NRXN1: variants seen among roughly 807,000 people sequenced by gnomAD.
NRXN1 encodes the protein neurexin-1.
In NRXN1, 39 loss-of-function variants were observed where a neutral mutation model predicts 150.9. That is an observed-to-expected ratio of 0.26 (90% CI 0.20 to 0.34). The LOEUF (loss-of-function observed/expected upper bound fraction) is 0.34, where lower values mean the gene tolerates loss of function less well. Among genes scored for constraint, NRXN1 ranks in the 10% least tolerant of loss-of-function variants. The pLI is 1.00. For missense variants in NRXN1, 1,815 were observed against 1,949.9 expected, an observed-to-expected ratio of 0.93 and a Z score of 1.30; for synonymous variants, 924 against 757.0, an observed-to-expected ratio of 1.22 and a Z score of -3.62.
chr2:50,285,269 T>G (rs1407505638), intron 17 of NRXN1, among the ~76,000 whole-genome samples: 1 of 152,206 alleles, frequency 6.6e-6, no homozygotes, highest in Non-Finnish European at 1.5e-5. Flanking sequence ...TACAATAATT[T>G]GTATTTATTT....
chr2:50,595,598 C>G (rs1195171840), intron 8 of NRXN1, among the ~76,000 whole-genome samples: 1 of 152,056 alleles, frequency 6.6e-6, no homozygotes, highest in Non-Finnish European at 1.5e-5. Context: ...TCCTCCCGGA[C>G]AGATAGACCT....
At chr2:49,922,301 G>T in intron 22 of NRXN1, 50 bp from the exon 23 acceptor site, 1 of 1,490,866 alleles carries the variant, frequency 6.7e-7, no homozygotes, top group Non-Finnish European at 9.2e-7. Flanking sequence ...TGAGTTCACT[G>T]AATACCAGAG....
intron 6 of NRXN1, among the ~76,000 whole-genome samples, chr2:50,623,084 T>C (rs1194335389): frequency 6.6e-6 from 1 of 152,050 alleles, no homozygotes; most frequent in Non-Finnish European, 1.5e-5. Context: ...CTTGCAGCCC[T>C]TTTGGAAATT....
intron 17 of NRXN1, among the ~76,000 whole-genome samples, chr2:50,254,799 C>G (rs2067531399): frequency 6.6e-6 from 1 of 151,978 alleles, no homozygotes; most frequent in Non-Finnish European, 1.5e-5. Context: ...ATTTATCTAT[C>G]CACATTTATT....
rs947326627 is a variant in NRXN1 at position 50,232,106 on chromosome 2, C to G, written c.3546+4683G>C. Among the ~76,000 whole-genome samples, 3 of 151,960 alleles carry G rather than the reference C, an allele frequency of 2.0e-5. No homozygotes were observed. In the East Asian group the frequency reaches 5.8e-4, roughly 29 times the overall value. Reference sequence around the variant, plus strand: ...GAAGAGAGATGAAGAAATATCAAGACAGAAAAATACCAAGAAATACCAGTC... The same window carrying G: ...GAAGAGAGATGAAGAAATATCAAGAGAGAAAAATACCAAGAAATACCAGTC... On this transcript the variant is annotated intron_variant, in intron 18 of 22. Transcript: ENST00000401669.
chr2:50,941,859 T>C (rs1028075026), intron 2 of NRXN1, among the ~76,000 whole-genome samples: 2 of 152,132 alleles, frequency 1.3e-5, no homozygotes, highest in Non-Finnish European at 2.9e-5. Context: ...CTGCAGAAAT[T>C]TGCATAACTA....
intron 18 of NRXN1, among the ~76,000 whole-genome samples, chr2:50,165,716 G>A (rs2059640349): frequency 6.6e-6 from 1 of 152,136 alleles, no homozygotes; most frequent in Non-Finnish European, 1.5e-5. Flanking sequence ...TGAGAACAAT[G>A]TGCTCTACCT....
intron 17 of NRXN1, among the ~76,000 whole-genome samples, chr2:50,458,964 C>G (rs2087878865): frequency 6.6e-6 from 1 of 151,986 alleles, no homozygotes; most frequent in Non-Finnish European, 1.5e-5. Flanking sequence ...AAAGGTAAAG[C>G]TTATAAAATT....
intron 21 of NRXN1, among the ~76,000 whole-genome samples, chr2:50,000,314 T>C (rs1683694607): frequency 1.3e-5 from 2 of 152,310 alleles, no homozygotes; most frequent in Admixed American, 1.3e-4. Flanking sequence ...CCAATTTCCA[T>C]TAAACATTTG....
rs557352318 is a variant in NRXN1, at chr2:50,135,219, A to C, written c.3547-43725T>G. ...CATATTTATTGAGGCACTCTACTAG[A>C]TGCTGGGCAAAGTGATAACCAGAAA... On this transcript the variant is annotated intron_variant, in intron 18 of 22. Transcript: ENST00000401669. 9.2e-5 allele frequency among the ~76,000 whole-genome samples: 14 copies of C among 152,340 alleles called. No individual in the cohort carries two copies. The South Asian group carries it at 2.9e-3, about 32-fold the overall frequency.
chr2:50,784,931 T>C (rs1405285078), intron 5 of NRXN1, among the ~76,000 whole-genome samples: 1 of 152,104 alleles, frequency 6.6e-6, no homozygotes, highest in Non-Finnish European at 1.5e-5. Context: ...GAATAAACTG[T>C]ATCCTCCCCA....
At chr2:50,799,639 G>C (rs1707316671) in intron 5 of NRXN1, among the ~76,000 whole-genome samples, 1 of 152,116 alleles carries the variant, frequency 6.6e-6, no homozygotes, top group Non-Finnish European at 1.5e-5. Context: ...AATTACATGA[G>C]ACAGTCAACA....
At chr2:50,756,180 C>T (rs1249585507) in intron 5 of NRXN1, among the ~76,000 whole-genome samples, 1 of 151,704 alleles carries the variant, frequency 6.6e-6, no homozygotes, top group Non-Finnish European at 1.5e-5. Flanking sequence ...TATTGTCTAT[C>T]TCCTTAGCAA....
In NRXN1 at chr2:50,304,300, C is replaced by T. The variant is rs570042807; in HGVS notation, c.3365-67330G>A. Among the ~76,000 whole-genome samples, 11 of 152,140 alleles carry T rather than the reference C, an allele frequency of 7.2e-5. No homozygotes were observed. In the South Asian group the frequency reaches 2.3e-3, roughly 32 times the overall value. ...AATACAATAGGAATTGAGGACAATG[C>T]GGTCTTATTAAATAAACTATTAATA... On this transcript the variant is annotated intron_variant, in intron 17 of 22. Transcript: ENST00000401669.
Position 50,426,160 on chromosome 2 carries a change from A to C in NRXN1, c.3364+39282T>G, listed in dbSNP as rs191689179. Among the ~76,000 whole-genome samples, 16 of 152,322 alleles carry C rather than the reference A, an allele frequency of 1.1e-4. 1 individual carries two copies. Among genetic ancestry groups the C allele is most frequent in the African/African-American group, 3.8e-4 (16 of 41,576 alleles). ...TGATCTTCTAAACTATCATGTGGAA[A>C]CTTGAAATTTCACTTTTCTTAGTAG... On this transcript the variant is annotated intron_variant, in intron 17 of 22. Transcript: ENST00000401669.
At chr2:50,881,719 T>G (rs1679462170) in intron 5 of NRXN1, among the ~76,000 whole-genome samples, 1 of 151,832 alleles carries the variant, frequency 6.6e-6, no homozygotes, top group Admixed American at 6.6e-5. Flanking sequence ...ATCAATAGAT[T>G]TAAATGTTAA....
chr2:50,732,343 G>A (rs1248541121), intron 5 of NRXN1, among the ~76,000 whole-genome samples: 1 of 152,070 alleles, frequency 6.6e-6, no homozygotes, highest in Non-Finnish European at 1.5e-5. Context: ...GCCAACAATT[G>A]AGAATCATAA....
chr2:50,599,130 G>A (rs1048433576), intron 8 of NRXN1, among the ~76,000 whole-genome samples: 2 of 152,048 alleles, frequency 1.3e-5, no homozygotes, highest in Admixed American at 6.6e-5. Context: ...CACAAAAACC[G>A]TATCTGTAGA....
chr2:50,566,996 T>A (rs986164036), intron 8 of NRXN1, among the ~76,000 whole-genome samples: 1 of 152,118 alleles, frequency 6.6e-6, no homozygotes, highest in African/African-American at 2.4e-5. Flanking sequence ...TGGTAAAAAA[T>A]AATATTAATA....
Sources: allele counts gnomAD v4.1 joint callset (sites outside exome capture counted in the v4.1 genomes callset), GRCh38; gene constraint gnomAD v4.1.1; transcripts MANE v1.5; gene names NCBI Gene and HGNC (gene_info 2026-07-23, HGNC 2026-07-21).